The following PTPRG variants were observed in gnomAD, a reference collection of about 807,000 sequenced individuals.
PTPRG encodes protein tyrosine phosphatase receptor type G, also known as receptor-type tyrosine-protein phosphatase gamma.
Under a neutral mutation model 165.3 loss-of-function variants are expected in PTPRG, and 102 were observed. The observed-to-expected ratio is 0.62, with a 90% CI of 0.53 to 0.73. PTPRG has a LOEUF of 0.73. Among genes scored for constraint, PTPRG ranks in the 30% least tolerant of loss-of-function variants. The probability of loss-of-function intolerance (pLI) is 0.00; values close to 1 mark genes in which losing one functional copy is unlikely to be tolerated. For missense variants in PTPRG, 1,866 were observed against 1,861.4 expected (o/e 1.00, Z -0.05); for synonymous variants, 675 against 669.5 (o/e 1.01, Z -0.13).
At chr3:61,840,360 G>A (rs961046019) in intron 2 of PTPRG, among the ~76,000 whole-genome samples, 16 of 151,682 alleles carry the variant, frequency 1.1e-4, no homozygotes, top group African/African-American at 2.9e-4. Flanking sequence ...AAAATATTAG[G>A]GTTTTTAAGC....
At chr3:61,995,084 C>CTTTTTTTTTTT (rs761499179) in intron 3 of PTPRG, among the ~76,000 whole-genome samples, 6 of 35,398 alleles carry the variant, frequency 1.7e-4, no homozygotes, top group East Asian at 4.9e-4. Flanking sequence ...TTCTTTCTTT[C>CTTTTTTTTTTT]TTTTTTTTTT....
At chr3:62,184,086 C>A (rs1043744175) in intron 8 of PTPRG, among the ~76,000 whole-genome samples, 3 of 152,196 alleles carry the variant, frequency 2.0e-5, no homozygotes, top group African/African-American at 7.2e-5. Context: ...GTAACTTGGT[C>A]TCTCTGAAGC....
chr3:61,958,220 G>A (rs1164676864), intron 2 of PTPRG, among the ~76,000 whole-genome samples: 15 of 151,776 alleles, frequency 9.9e-5, no homozygotes, highest in African/African-American at 2.7e-4. Flanking sequence ...TCTGCCTCCC[G>A]AGTTCAAACG....
At chr3:62,181,702 T>G (rs1559613120) in intron 8 of PTPRG, among the ~76,000 whole-genome samples, 1 of 152,176 alleles carries the variant, frequency 6.6e-6, no homozygotes, top group Non-Finnish European at 1.5e-5. Flanking sequence ...TAAAATAAAA[T>G]ATAATAGATT....
intron 6 of PTPRG, among the ~76,000 whole-genome samples, chr3:62,136,020 C>A (rs951174288): frequency 2.6e-5 from 4 of 152,156 alleles, no homozygotes; most frequent in African/African-American, 9.7e-5. Flanking sequence ...GCTGTCAGTT[C>A]AACAAGCTCC....
chr3:61,991,420 G>A (rs1310858127), intron 3 of PTPRG, among the ~76,000 whole-genome samples: 2 of 152,148 alleles, frequency 1.3e-5, no homozygotes, highest in Non-Finnish European at 2.9e-5. Context: ...TGGCCTGACT[G>A]GTCTCGAACT....
chr3:62,239,360 C>CTTTTTTTTTTTTTTTTT (rs776921598), intron 14 of PTPRG, among the ~76,000 whole-genome samples: 3 of 124,538 alleles, frequency 2.4e-5, no homozygotes, highest in Non-Finnish European at 5.1e-5. Flanking sequence ...TTTTTTCTTT[C>CTTTTTTTTTTTTTTTTT]TTTTTTTTTT....
At chr3:62,244,431 C>G (rs1003459258) in intron 15 of PTPRG, among the ~76,000 whole-genome samples, 1 of 151,956 alleles carries the variant, frequency 6.6e-6, no homozygotes, top group Non-Finnish European at 1.5e-5. Flanking sequence ...TTTAGAAGTT[C>G]AGCAGTGGGT....
intron 2 of PTPRG, among the ~76,000 whole-genome samples, chr3:61,967,237 C>G (rs1033036240): frequency 6.6e-6 from 1 of 152,186 alleles, no homozygotes; most frequent in African/African-American, 2.4e-5. Flanking sequence ...GTCCGCACAT[C>G]TGGTTGGGAG....
At chr3:61,787,835 G>C (rs544447418) in intron 2 of PTPRG, among the ~76,000 whole-genome samples, 1 of 152,104 alleles carries the variant, frequency 6.6e-6, no homozygotes, top group East Asian at 2.0e-4. Context: ...TTGTGAACAT[G>C]ACGGCTTTAG....
Position 62,091,290 on chromosome 3 carries a change from A to G in PTPRG, c.615+13032A>G, listed in dbSNP as rs1215939179. ...GTCTTAACTAGTTGTTATTGGTGCT[A>G]TAACTCAGTAATTCAGGAGGAGGTA... On this transcript the variant is annotated intron_variant, in intron 5 of 29. Coordinates refer to ENST00000474889, the MANE Select transcript of PTPRG (RefSeq NM_002841.4). Among the ~76,000 whole-genome samples, 3 of 152,236 alleles carry G rather than the reference A, an allele frequency of 2.0e-5. 1 individual carries two copies. Among genetic ancestry groups the G allele is most frequent in the Admixed American group, 2.0e-4 (3 of 15,290 alleles).
intron 15 of PTPRG, among the ~76,000 whole-genome samples, chr3:62,244,576 A>G (rs1181133042): frequency 6.6e-6 from 1 of 152,134 alleles, no homozygotes; most frequent in African/African-American, 2.4e-5. Context: ...CAGATATTTT[A>G]GATACATCTA....
intron 2 of PTPRG, among the ~76,000 whole-genome samples, chr3:61,887,369 C>CTT (rs1039645746): frequency 6.6e-6 from 1 of 151,876 alleles, no homozygotes; most frequent in Non-Finnish European, 1.5e-5. Context: ...TAGTGAAAAA[C>CTT]ACATGCTAAG....
intron 1 of PTPRG, among the ~76,000 whole-genome samples, chr3:61,588,339 T>C: frequency 6.6e-6 from 1 of 152,182 alleles, no homozygotes; most frequent in East Asian, 1.9e-4. Flanking sequence ...ACTGATGTTA[T>C]ATCTATCATA....
chr3:61,572,609 C>T (rs1040958047), intron 1 of PTPRG, among the ~76,000 whole-genome samples: 1 of 152,272 alleles, frequency 6.6e-6, no homozygotes, highest in East Asian at 1.9e-4. Flanking sequence ...GTGCCTAGAG[C>T]ATGCCAGGTG....
intron 4 of PTPRG, among the ~76,000 whole-genome samples, chr3:62,024,285 G>T (rs1039509859): frequency 6.6e-6 from 1 of 152,040 alleles, no homozygotes; most frequent in Non-Finnish European, 1.5e-5. Context: ...GTAATAGAAA[G>T]GAATAAATTT....
In PTPRG at chr3:62,203,499, G is replaced by A. The variant is rs746918640; in HGVS notation, c.1704G>A (p.Ser568=). The change falls in exon 12 of 30, where the codon TCG becomes TCA. Residue 568 remains serine (S), a synonymous_variant. Coordinates refer to ENST00000474889, the MANE Select transcript of PTPRG (RefSeq NM_002841.4). This position sits in a 1 kb window ranked among gnomAD's most constrained non-coding sequence, Gnocchi z 6.4. ...CTTCTCCAGGGCCCGATGGTGATTC[G>A]TCACCAACCAAGGACGGCGAGGGCA... ...ALASPGPDGD[S]SPTKDGEGTE... 56 of 1,565,762 alleles carry A rather than the reference G, an allele frequency of 3.6e-5. 1 individual carries two copies. Among genetic ancestry groups the A allele is most frequent in the South Asian group, 2.4e-4 (21 of 86,108 alleles).
chr3:61,582,599 T>G (rs1399106690), intron 1 of PTPRG, among the ~76,000 whole-genome samples: 52 of 152,126 alleles, frequency 3.4e-4, no homozygotes, highest in Non-Finnish European at 2.1e-4. Flanking sequence ...TATTCTGTGT[T>G]TGTTGGGATG....
intron 7 of PTPRG, among the ~76,000 whole-genome samples, chr3:62,165,986 A>T (rs1443989190): frequency 6.6e-6 from 1 of 151,940 alleles, no homozygotes; most frequent in African/African-American, 2.4e-5. Flanking sequence ...CATTAGTATT[A>T]ACTGCCTTCT....
Sources: allele counts gnomAD v4.1 joint callset (sites outside exome capture counted in the v4.1 genomes callset), GRCh38; gene constraint gnomAD v4.1.1; non-coding constraint Gnocchi (gnomAD v3.1); transcripts MANE v1.5; gene names NCBI Gene and HGNC (gene_info 2026-07-23, HGNC 2026-07-21).